The following NFE2L2 variants were observed in gnomAD, a reference collection of about 807,000 sequenced individuals.
NFE2L2 encodes nuclear factor erythroid 2-related factor 2.
A neutral mutation model predicts 49.6 loss-of-function variants in NFE2L2; 20 were observed. The observed-to-expected ratio is 0.40, with a 90% CI of 0.28 to 0.59. NFE2L2 has a LOEUF of 0.59. NFE2L2 is among the 20% of genes least tolerant of loss of function. The probability of loss-of-function intolerance (pLI) is 0.40; values close to 1 mark genes in which losing one functional copy is unlikely to be tolerated. For missense variants in NFE2L2, 578 were observed against 714.2 expected (o/e 0.81, Z 2.17); for synonymous variants, 244 against 256.5 (o/e 0.95, Z 0.47).
intron 1 of NFE2L2, among the ~76,000 whole-genome samples, chr2:177,248,410 CTG>C (rs1690210223): frequency 6.6e-6 from 1 of 152,086 alleles, no homozygotes; most frequent in Admixed American, 6.6e-5. Context: ...GACCTGTACT[CTG>C]TTTCTTTTTT....
chr2:177,263,523 T>C, intron 1 of NFE2L2: 1 of 985,426 alleles, frequency 1.0e-6, no homozygotes, highest in Non-Finnish European at 1.2e-6. Flanking sequence ...GATCAACAGC[T>C]CCAACCTGTC....
Position 177,231,619 on chromosome 2 carries a change from G to C in NFE2L2, c.984C>G (p.Phe328Leu). 6.2e-7 allele frequency: 1 copy of C among 1,614,174 alleles called. No individual in the cohort carries two copies. Among genetic ancestry groups the C allele is most frequent in the Non-Finnish European group, 8.5e-7 (1 of 1,180,028 alleles). ...CTGTGCTTTCAGGGTGGTTTTGGTT[G>C]AAAGCTTTGCAAAGTGATAGATCAG... Reference protein sequence around the residue: ...DVSDLSLCKAFNQNHPESTAE... With the variant: ...DVSDLSLCKALNQNHPESTAE... Residue 328 changes from phenylalanine (F) to leucine (L), a missense_variant, in exon 5 of 5, where the codon TTC (phenylalanine) becomes TTG (leucine). Transcript: ENST00000397062.
Position 177,232,547 on chromosome 2 carries a change from T to C in NFE2L2, c.439A>G (p.Ile147Val), listed in dbSNP as rs928029520. The stretch of plus-strand genomic sequence containing the variant: ...ACTGGGCTCTCGATGTGACCGGGAA[T>C]ATCAGGAACAAGTGACTGAAACGTA... ...SATFQSLVPD[I>V]PGHIESPVFI... The change falls in exon 4 of 5, where the codon ATT becomes GTT. Residue 147 changes from isoleucine to valine, a missense_variant. Ile to Val is a conservative substitution (Grantham distance 29, BLOSUM62 3). Transcript: ENST00000397062. 1 of 1,613,938 alleles carries C rather than the reference T, an allele frequency of 6.2e-7. No individual in the cohort carries two copies. The highest frequency in any genetic ancestry group is 1.3e-5 in the African/African-American group (1 of 74,900).
intron 1 of NFE2L2, among the ~76,000 whole-genome samples, chr2:177,236,038 C>A (rs539743520): frequency 1.2e-4 from 18 of 152,144 alleles, no homozygotes; most frequent in Non-Finnish European, 2.5e-4. Flanking sequence ...GGAAAAAAAT[C>A]AAGATGGGGG....
chr2:177,255,591 A>T (rs545501083), intron 1 of NFE2L2, among the ~76,000 whole-genome samples: 1 of 152,026 alleles, frequency 6.6e-6, no homozygotes, highest in African/African-American at 2.4e-5. Context: ...ACATGATCTT[A>T]CTCTGTTGCC....
At chr2:177,259,295 CTG>C (rs1033667629) in intron 1 of NFE2L2, among the ~76,000 whole-genome samples, 1 of 151,542 alleles carries the variant, frequency 6.6e-6, no homozygotes, top group Non-Finnish European at 1.5e-5. Context: ...GACTGAGACT[CTG>C]TCTCAAAAAA....
chr2:177,230,312 A>ACAGT lies in NFE2L2; in HGVS notation c.*469_*472dup. On this transcript the variant is annotated 3_prime_UTR_variant, in exon 5 of 5. Coordinates refer to ENST00000397062, the MANE Select transcript of NFE2L2 (RefSeq NM_006164.5). ...AAAGGAATCCCAAACAAATAATTTA[A>ACAGT]CAGTCATAATAATCCTTTATTAGTA... The ACAGT allele has an allele frequency of 4.3e-6, 1 of 230,056 alleles. No individual in the cohort carries two copies. Among genetic ancestry groups the ACAGT allele is most frequent in the Non-Finnish European group, 8.6e-6 (1 of 115,962 alleles). The allele number at this position is 230,056 out of a possible 1,614,324, so 14.3% of individuals were successfully genotyped here.
chr2:177,264,048 C>G (rs1193532756), intron 1 of NFE2L2, among the ~76,000 whole-genome samples: 1 of 152,134 alleles, frequency 6.6e-6, no homozygotes, highest in African/African-American at 2.4e-5. Context: ...CGAAGGCGAC[C>G]TCAGTTCCCC....
intron 1 of NFE2L2, 21 bp from the exon 2 acceptor site, chr2:177,234,292 GGAA>G: frequency 6.3e-7 from 1 of 1,581,520 alleles, no homozygotes; most frequent in Non-Finnish European, 8.6e-7. Context: ...GACAAAAAAA[GGAA>G]GGAGAGAGCT....
chr2:177,240,732 G>C (rs761496800), intron 1 of NFE2L2, among the ~76,000 whole-genome samples: 1 of 152,056 alleles, frequency 6.6e-6, no homozygotes, highest in Non-Finnish European at 1.5e-5. Flanking sequence ...CTTTGTACCA[G>C]GATAAACAAA....
intron 1 of NFE2L2, among the ~76,000 whole-genome samples, chr2:177,261,317 CCCA>C (rs1374216218): frequency 2.0e-5 from 3 of 152,160 alleles, no homozygotes; most frequent in Non-Finnish European, 4.4e-5. Context: ...GGTCCACCTC[CCCA>C]CGTCACATAC....
chr2:177,233,644 A>T, intron 2 of NFE2L2: 1 of 504,410 alleles, frequency 2.0e-6, no homozygotes, highest in Non-Finnish European at 3.5e-6. Context: ...ATCAGTCAGT[A>T]TATGTTCTTA....
intron 1 of NFE2L2, among the ~76,000 whole-genome samples, chr2:177,241,498 T>C (rs1689935768): frequency 6.6e-6 from 1 of 152,200 alleles, no homozygotes. Flanking sequence ...TGGATGAATA[T>C]AAACCAAATT....
At chr2:177,236,811 G>A (rs1174101019) in intron 1 of NFE2L2, among the ~76,000 whole-genome samples, 1 of 152,038 alleles carries the variant, frequency 6.6e-6, no homozygotes, top group East Asian at 1.9e-4. Flanking sequence ...TGTATTTTAT[G>A]TGTGTATTGT....
At chr2:177,263,450 G>A in intron 1 of NFE2L2, 3 of 985,502 alleles carry the variant, frequency 3.0e-6, no homozygotes, top group Non-Finnish European at 3.6e-6. Context: ...TTTTGGAATT[G>A]CAATTCTGAA....
chr2:177,238,104 A>C (rs1026207948), intron 1 of NFE2L2, among the ~76,000 whole-genome samples: 1 of 152,228 alleles, frequency 6.6e-6, no homozygotes, highest in African/African-American at 2.4e-5. Context: ...AGTCAATCAA[A>C]GAAACTCAAA....
chr2:177,247,188 G>A (rs1574272736), intron 1 of NFE2L2, among the ~76,000 whole-genome samples: 2 of 152,056 alleles, frequency 1.3e-5, no homozygotes, highest in South Asian at 2.1e-4. Flanking sequence ...CAGTGTGAGC[G>A]TGCATTTCCC....
At chr2:177,256,067 A>G (rs888362629) in intron 1 of NFE2L2, 12 of 154,684 alleles carry the variant, frequency 7.8e-5, no homozygotes. Flanking sequence ...CGAAATATTC[A>G]TGGTTCTTCA....
At chr2:177,238,655 A>G (rs1223360534) in intron 1 of NFE2L2, among the ~76,000 whole-genome samples, 2 of 152,240 alleles carry the variant, frequency 1.3e-5, no homozygotes, top group African/African-American at 4.8e-5. Flanking sequence ...GAGGTTGTGG[A>G]CCTAACTAGG....
Sources: allele counts gnomAD v4.1 joint callset (sites outside exome capture counted in the v4.1 genomes callset), GRCh38; gene constraint gnomAD v4.1.1; transcripts MANE v1.5; gene names NCBI Gene and HGNC (gene_info 2026-07-23, HGNC 2026-07-21).